Variants in C6 observed in about 807,000 individuals in gnomAD.
C6 encodes complement component C6.
A neutral mutation model predicts 112.9 loss-of-function variants in C6; 101 were observed. The observed-to-expected ratio is 0.89, with a 90% CI of 0.76 to 1.06. The LOEUF (loss-of-function observed/expected upper bound fraction) is 1.06, where lower values mean the gene tolerates loss of function less well. C6 is among the 50% of genes least tolerant of loss of function. C6 has a pLI of 0.00. For missense variants in C6, 1,202 were observed against 1,104.6 expected (o/e 1.09, Z -1.25); for synonymous variants, 431 against 384.1 (o/e 1.12, Z -1.43).
intron 16 of C6, 73 bp downstream of exon 16, chr5:41,149,862 G>T: frequency 1.0e-6 from 1 of 965,742 alleles, no homozygotes; most frequent in Non-Finnish European, 1.7e-6. Context: ...AAAAAGCTCA[G>T]CTCTTCCATC....
In C6 at chr5:41,205,240, A is replaced by G. The variant is rs1751341951; in HGVS notation, c.-20-1990T>C. Reference sequence around the variant, plus strand: ...CTAGATTATTTCAGTCATAAAAATGAGGGGCTTTTGGGCATTATTCAAGAT... The same window carrying G: ...CTAGATTATTTCAGTCATAAAAATGGGGGGCTTTTGGGCATTATTCAAGAT... On this transcript the variant is annotated intron_variant, in intron 1 of 17. Transcript: ENST00000337836. 3.3e-5 allele frequency among the ~76,000 whole-genome samples: 5 copies of G among 152,328 alleles called. No individual in the cohort carries two copies. The South Asian group carries it at 1.0e-3, about 32-fold the overall frequency.
At chr5:41,184,367 C>T (rs552592315) in intron 6 of C6, among the ~76,000 whole-genome samples, 7 of 152,208 alleles carry the variant, frequency 4.6e-5, no homozygotes, top group Non-Finnish European at 7.4e-5. Flanking sequence ...AGGCCGCCTC[C>T]GACTATAAGA....
chr5:41,158,546 T>C (rs1284696514), intron 13 of C6, 128 bp downstream of exon 13: 1 of 698,800 alleles, frequency 1.4e-6, no homozygotes, highest in Non-Finnish European at 2.6e-6. Flanking sequence ...TTTCTAAATA[T>C]TATTTTGTAC....
intron 1 of C6, among the ~76,000 whole-genome samples, chr5:41,206,115 G>A (rs1205845076): frequency 6.6e-6 from 1 of 151,876 alleles, no homozygotes; most frequent in African/African-American, 2.4e-5. Context: ...AGGGTCAGGA[G>A]TGGACCTCCA....
chr5:41,184,037 TG>T (rs1190247630), intron 6 of C6, among the ~76,000 whole-genome samples: 1 of 151,996 alleles, frequency 6.6e-6, no homozygotes, highest in Non-Finnish European at 1.5e-5. Flanking sequence ...GCTCAGTACC[TG>T]GGTAAAGGGA....
In C6 at chr5:41,149,279, C is replaced by T. The variant is rs1322866029; in HGVS notation, c.2585G>A (p.Cys862Tyr). Residue 862 changes from cysteine to tyrosine, a missense_variant, in exon 17 of 18, where the codon TGT (cysteine) becomes TAT (tyrosine). Coordinates refer to ENST00000337836, the MANE Select transcript of C6 (RefSeq NM_000065.5). ...CCAGTCATAGCAGGTGTCATAGCCA[C>T]AGGATTCTTTCTTTGTGCTGTTGGA... ...LSSNSTKKES[C>Y]GYDTCYDWEK... 2 of 1,613,934 alleles carry T rather than the reference C, an allele frequency of 1.2e-6. No individual in the cohort carries two copies. Among genetic ancestry groups the T allele is most frequent in the African/African-American group, 2.7e-5 (2 of 74,906 alleles).
At chr5:41,201,528 T>C in intron 3 of C6, 30 bp downstream of exon 3, 1 of 1,608,442 alleles carries the variant, frequency 6.2e-7, no homozygotes. Context: ...TTGTGATTCA[T>C]ATTTCCTGGA....
rs56809256 is a variant in C6, at chr5:41,204,659, C to CTTTTTT, written c.-20-1415_-20-1410dup. ...TATTTCTTGTTAATAAATCAGTAAG[C>CTTTTTT]TTTTTTTTTTCTTTTTTTTTTTTTT... On this transcript the variant is annotated intron_variant, in intron 1 of 17. Transcript: ENST00000337836. Among the ~76,000 whole-genome samples, 6 of 133,336 alleles carry CTTTTTT rather than the reference C, an allele frequency of 4.5e-5. 1 individual carries two copies. The highest frequency in any genetic ancestry group is 1.1e-4 in the African/African-American group (4 of 35,096). 87.5% of individuals were successfully genotyped at this position (133,336 alleles called of 152,430 possible).
At chr5:41,215,402 C>T (rs943901213), upstream of C6, among the ~76,000 whole-genome samples, 2 of 152,110 alleles carry the variant, frequency 1.3e-5, no homozygotes, top group Non-Finnish European at 2.9e-5. Flanking sequence ...TGTTTCAGAG[C>T]TAGGAATTGA....
intron 9 of C6, among the ~76,000 whole-genome samples, chr5:41,163,310 C>CTTTTTT (rs35341613): frequency 3.1e-4 from 42 of 134,542 alleles, no homozygotes; most frequent in South Asian, 4.8e-4. Flanking sequence ...TATCAATGAA[C>CTTTTTT]TTTTTTTTTT....
intron 9 of C6, among the ~76,000 whole-genome samples, chr5:41,171,953 A>G (rs1283268689): frequency 6.6e-6 from 1 of 152,122 alleles, no homozygotes; most frequent in African/African-American, 2.4e-5. Flanking sequence ...GCACTTCACA[A>G]TGCCTAATAT....
At chr5:41,169,682 A>G (rs1465921947) in intron 9 of C6, among the ~76,000 whole-genome samples, 1 of 152,044 alleles carries the variant, frequency 6.6e-6, no homozygotes, top group Non-Finnish European at 1.5e-5. Flanking sequence ...ACATGACTGG[A>G]GTGGTAGGAG....
In C6 at chr5:41,153,827, G is replaced by A. The variant is rs774726786; in HGVS notation, c.2273C>T (p.Ser758Phe). ...GNSWTPPISN[S>F]LTCEKDTLTK... ...CTACTCACCTTTTTCACAGGTGAGA[G>A]AGTTTGAAATGGGTGGTGTCCAGGA... is the stretch of plus-strand genomic sequence containing the variant. Residue 758 changes from serine to phenylalanine, a missense_variant, in exon 15 of 18, where the codon TCT (serine) becomes TTT (phenylalanine). Transcript: ENST00000337836. The A allele has an allele frequency of 1.7e-5, 27 of 1,612,922 alleles. No individual in the cohort carries two copies. The highest frequency in any genetic ancestry group is 2.3e-5 in the Non-Finnish European group (27 of 1,179,560).
chr5:41,192,096 GT>G (rs1436524931), intron 5 of C6, among the ~76,000 whole-genome samples: 7 of 152,042 alleles, frequency 4.6e-5, no homozygotes, highest in African/African-American at 1.7e-4. Flanking sequence ...ATTTTTGAGA[GT>G]TTTTATCATG....
At chr5:41,184,233 A>G (rs1050266693) in intron 6 of C6, among the ~76,000 whole-genome samples, 2 of 152,178 alleles carry the variant, frequency 1.3e-5, no homozygotes, top group Non-Finnish European at 2.9e-5. Flanking sequence ...GGTCCAGCAC[A>G]TCATTGTCTA....
chr5:41,154,784 G>A (rs967813485), intron 14 of C6, among the ~76,000 whole-genome samples, 188 bp downstream of exon 14: 1 of 152,156 alleles, frequency 6.6e-6, no homozygotes, highest in African/African-American at 2.4e-5. Context: ...ACTGAAATAT[G>A]GAGATAATCT....
chr5:41,241,632 C>T (rs1023597610), intron 1 of C6, among the ~76,000 whole-genome samples: 8 of 152,240 alleles, frequency 5.3e-5, no homozygotes, highest in Admixed American at 3.9e-4. Context: ...ATAAAGCCTA[C>T]TTGTGGTTTC....
At chr5:41,246,733 C>T (rs1741044665) in intron 1 of C6, among the ~76,000 whole-genome samples, 2 of 152,166 alleles carry the variant, frequency 1.3e-5, no homozygotes, top group South Asian at 4.1e-4. Context: ...TGTCTACTCC[C>T]AGCAGCTAAA....
At position 41,201,713 on chromosome 5, in the gene C6, G is replaced by A. The variant is rs762098368; in HGVS notation, c.145C>T (p.Gln49Ter). 4 of 1,613,036 alleles carry A rather than the reference G, an allele frequency of 2.5e-6. No individual in the cohort carries two copies. Among genetic ancestry groups the A allele is most frequent in the Admixed American group, 3.3e-5 (2 of 59,974 alleles). The stretch of plus-strand genomic sequence containing the variant: ...TGGTAGTACTTATCTACTACTATTT[G>A]TCTGTAACCATGAAGAAGAAGTTGC... ...CNSGTQSRHR[Q>*]IVVDKYYQEN... The change falls in exon 3 of 18, where the codon CAA becomes TAA. Residue 49 changes from glutamine (Q) to a stop codon, truncating the protein, a stop_gained and splice_region_variant. Transcript: ENST00000337836. LOFTEE classifies it high-confidence loss of function.
Sources: allele counts gnomAD v4.1 joint callset (sites outside exome capture counted in the v4.1 genomes callset), GRCh38; gene constraint gnomAD v4.1.1; transcripts MANE v1.5; gene names NCBI Gene and HGNC (gene_info 2026-07-23, HGNC 2026-07-21).